Variants in UNC13B observed in about 807,000 individuals in gnomAD.
UNC13B encodes unc-13 homolog B.
A neutral mutation model predicts 211.0 loss-of-function variants in UNC13B; 144 were observed. The observed-to-expected ratio is 0.68, with a 90% CI of 0.60 to 0.78. The LOEUF is 0.78. Ranked by LOEUF, UNC13B falls within the 30% of genes least tolerant of loss-of-function variation. The pLI is 0.00. For synonymous variants in UNC13B, 709 were observed against 725.8 expected (o/e 0.98, Z 0.37); for missense variants, 1,777 against 2,002.0 (o/e 0.89, Z 2.14).
At position 35,397,222 on chromosome 9, in the gene UNC13B, C is replaced by T. The variant is rs1449889358; in HGVS notation, c.11588C>T (p.Thr3863Ile). 2.5e-6 allele frequency: 4 copies of T among 1,614,092 alleles called. No homozygotes were observed. The highest frequency in any genetic ancestry group is 3.4e-6 in the Non-Finnish European group (4 of 1,180,054). The change falls in exon 29 of 40, where the codon ACA becomes ATA. Residue 3863 changes from threonine (T) to isoleucine (I), a missense_variant. Transcript: ENST00000635942. ...LFSCSVVDVF[T>I]QLNQSFEIIR... Reference sequence around the variant, plus strand: ...TCCTGCTCTGTGGTGGATGTCTTCACACAACTCAATCAGAGCTTTGAGATC... The same window carrying T: ...TCCTGCTCTGTGGTGGATGTCTTCATACAACTCAATCAGAGCTTTGAGATC...
At chr9:35,341,675 G>A (rs768054719) in intron 11 of UNC13B, among the ~76,000 whole-genome samples, 1 of 152,176 alleles carries the variant, frequency 6.6e-6, no homozygotes, top group African/African-American at 2.4e-5. Context: ...GAGGAGGGGA[G>A]AGAGTAAGAT....
At chr9:35,364,162 G>A (rs1284708601) in intron 11 of UNC13B, among the ~76,000 whole-genome samples, 1 of 130,676 alleles carries the variant, frequency 7.7e-6, no homozygotes, top group African/African-American at 4.6e-5. Context: ...ATCACTCTGT[G>A]CTCAGCCAGC....
chr9:35,396,403 G>A, intron 26 of UNC13B, 73 bp from the exon 27 acceptor site: 1 of 1,592,882 alleles, frequency 6.3e-7, no homozygotes, highest in Non-Finnish European at 8.6e-7. Flanking sequence ...GACCAGATCT[G>A]CTGCCTTGGG....
chr9:35,177,129 A>T lies in UNC13B; in HGVS notation c.22+14824A>T, dbSNP rs181263936. Among the ~76,000 whole-genome samples, 855 of 151,784 alleles carry T rather than the reference A, an allele frequency of 5.6e-3. 4 individuals carry two copies. Among genetic ancestry groups the T allele is most frequent in the Non-Finnish European group, 9.2e-3 (624 of 67,896 alleles). On this transcript the variant is annotated intron_variant, in intron 1 of 39. Coordinates refer to ENST00000635942, the MANE Select transcript of UNC13B (RefSeq NM_001371189.2). The stretch of plus-strand genomic sequence containing the variant: ...ACCCCATCTCTATTTAAAAAAAATT[A>T]AAAAAAAATTAGTCGGGCGTGGTGG...
chr9:35,335,034 T>C (rs1242484198), intron 11 of UNC13B, among the ~76,000 whole-genome samples: 2 of 152,170 alleles, frequency 1.3e-5, no homozygotes, highest in Non-Finnish European at 2.9e-5. Flanking sequence ...TGAGACTCCG[T>C]CTCAAAACAA....
Position 35,302,605 on chromosome 9 carries a change from C to T in UNC13B, c.3201C>T (p.Asp1067=). The T allele has an allele frequency of 2.5e-6, 1 of 398,598 alleles. No individual in the cohort carries two copies. Among genetic ancestry groups the T allele is most frequent in the East Asian group, 3.6e-5 (1 of 28,058 alleles). 24.7% of individuals were successfully genotyped at this position (398,598 alleles called of 1,614,324 possible). A position where few individuals can be genotyped will look rare whatever the true frequency, so the allele number is the denominator to read the frequency against. The change falls in exon 9 of 40, where the codon GAC becomes GAT. Residue 1067 remains aspartate, a synonymous_variant. Coordinates refer to ENST00000635942, the MANE Select transcript of UNC13B (RefSeq NM_001371189.2). The part of the protein sequence containing the change: ...FGNIEELNPS[D]HTAGQNFERD... ...ATATAGAGGAATTAAATCCAAGTGA[C>T]CACACAGCAGGACAGAATTTTGAAA...
At chr9:35,246,133 G>A (rs1826084636) in intron 6 of UNC13B, among the ~76,000 whole-genome samples, 1 of 152,052 alleles carries the variant, frequency 6.6e-6, no homozygotes. Flanking sequence ...GTGTCTGTTG[G>A]CTGCATAAAT....
intron 1 of UNC13B, among the ~76,000 whole-genome samples, chr9:35,217,397 T>G (rs1294678054): frequency 2.3e-5 from 3 of 130,212 alleles, no homozygotes; most frequent in African/African-American, 3.6e-5. Context: ...GTTTTTTTTG[T>G]TTTTTTTTTT....
chr9:35,384,119 T>C lies in UNC13B; in HGVS notation c.10807-127T>C, dbSNP rs373999584. 9.8e-4 allele frequency: 1,399 copies of C among 1,424,760 alleles called. 15 individuals carry two copies. The South Asian group carries it at 0.015, about 16-fold the overall frequency. The allele number at this position is 1,424,760 out of a possible 1,614,324, so 88.3% of individuals were successfully genotyped here. A position where few individuals can be genotyped will look rare whatever the true frequency, so the allele number is the denominator to read the frequency against. On this transcript the variant is annotated intron_variant, in intron 21 of 39. Transcript: ENST00000635942. ...TTGTTGTTCTTCCCATGGGCAGGGA[T>C]GTGTCTCCAACCCAATGCCTCCCGA...
intron 11 of UNC13B, among the ~76,000 whole-genome samples, chr9:35,321,770 T>C (rs933551281): frequency 6.6e-6 from 1 of 152,164 alleles, no homozygotes; most frequent in Non-Finnish European, 1.5e-5. Flanking sequence ...TGCAATGCCA[T>C]GATTACTGGT....
chr9:35,168,976 A>G (rs1423757668), intron 1 of UNC13B, among the ~76,000 whole-genome samples: 1 of 152,104 alleles, frequency 6.6e-6, no homozygotes, highest in African/African-American at 2.4e-5. Flanking sequence ...GCCCGACTGC[A>G]TTTTTAAAAC....
At chr9:35,339,844 T>A (rs1831879596) in intron 11 of UNC13B, among the ~76,000 whole-genome samples, 1 of 152,274 alleles carries the variant, frequency 6.6e-6, no homozygotes, top group Non-Finnish European at 1.5e-5. Flanking sequence ...TAGCCAGGCC[T>A]TAGGGCCACT....
At chr9:35,285,052 G>T (rs969418201) in intron 7 of UNC13B, among the ~76,000 whole-genome samples, 35 of 152,290 alleles carry the variant, frequency 2.3e-4, no homozygotes, top group African/African-American at 8.2e-4. Context: ...TGAGTGTGTT[G>T]CTGTAGCCTA....
At chr9:35,364,063 A>G (rs1459148245) in intron 11 of UNC13B, among the ~76,000 whole-genome samples, 1 of 152,218 alleles carries the variant, frequency 6.6e-6, no homozygotes, top group East Asian at 1.9e-4. Flanking sequence ...CTGCATTGCA[A>G]AATGGAAAAG....
chr9:35,191,815 T>C lies in UNC13B; in HGVS notation c.22+29510T>C, dbSNP rs1440129612. Reference sequence around the variant, plus strand: ...AGATGGAGGCCTGTAGCCAAGTTTGTTACTGACCATTTTGTTGGACTGGCT... The same window carrying C: ...AGATGGAGGCCTGTAGCCAAGTTTGCTACTGACCATTTTGTTGGACTGGCT... On this transcript the variant is annotated intron_variant, in intron 1 of 39. Coordinates refer to ENST00000635942, the MANE Select transcript of UNC13B (RefSeq NM_001371189.2). 2.0e-5 allele frequency among the ~76,000 whole-genome samples: 3 copies of C among 152,232 alleles called. 1 individual carries two copies. The highest frequency in any genetic ancestry group is 4.4e-5 in the Non-Finnish European group (3 of 68,044).
chr9:35,368,099 T>C (rs1389020204), intron 12 of UNC13B, among the ~76,000 whole-genome samples: 1 of 152,214 alleles, frequency 6.6e-6, no homozygotes, highest in Non-Finnish European at 1.5e-5. Flanking sequence ...CAGGGGTACA[T>C]GTGCAGGTTT....
chr9:35,353,585 A>G, intron 11 of UNC13B: 1 of 1,232,106 alleles, frequency 8.1e-7, no homozygotes, highest in Non-Finnish European at 1.0e-6. Context: ...CTCCTTGCCA[A>G]GTGTTGCTCT....
At chr9:35,231,617 C>T (rs1825208082) in intron 3 of UNC13B, among the ~76,000 whole-genome samples, 1 of 152,024 alleles carries the variant, frequency 6.6e-6, no homozygotes, top group Non-Finnish European at 1.5e-5. Flanking sequence ...AGGAATGTGG[C>T]CATGCATGTG....
At chr9:35,234,395 C>G (rs879441140) in intron 3 of UNC13B, among the ~76,000 whole-genome samples, 2 of 152,196 alleles carry the variant, frequency 1.3e-5, no homozygotes, top group Non-Finnish European at 2.9e-5. Flanking sequence ...ACTGAGATTA[C>G]AGGCATGAGC....
Sources: gnomAD v4.1 joint callset for allele counts (sites outside exome capture counted in the v4.1 genomes callset) on GRCh38, gnomAD v4.1.1 for gene constraint, MANE v1.5 for transcripts, NCBI Gene and HGNC (gene_info 2026-07-23, HGNC 2026-07-21) for gene names.